BRIP1: variants seen among roughly 807,000 people sequenced by gnomAD.
BRIP1 encodes the protein BRCA1 interacting DNA helicase 1.
BRIP1 carries 88 observed loss-of-function variants against 119.7 expected under a neutral mutation model. That is an observed-to-expected ratio of 0.74 (90% CI 0.62 to 0.88). The LOEUF (loss-of-function observed/expected upper bound fraction) is 0.88, where lower values mean the gene tolerates loss of function less well. BRIP1 is among the 40% of genes least tolerant of loss of function. The pLI, the probability that BRIP1 is intolerant of heterozygous loss-of-function variation, is 0.00. For missense variants in BRIP1, 1,259 were observed against 1,455.4 expected (o/e 0.87, Z 2.20); for synonymous variants, 443 against 496.5 (o/e 0.89, Z 1.43).
rs1256300268 is a variant in BRIP1 at position 61,725,995 on chromosome 17, TCAAA to T, written c.2380-9936_2380-9933del. Among the ~76,000 whole-genome samples, 3 of 152,184 alleles carry T rather than the reference TCAAA, an allele frequency of 2.0e-5. No homozygotes were observed. Among genetic ancestry groups the T allele is most frequent in the Non-Finnish European group, 4.4e-5 (3 of 68,034 alleles). ...TAGGTTATCCATGTTAAAATATTAC[TCAAA>T]CAAACCTGCAAATGTTTAAATTATC... On this transcript the variant is annotated intron_variant, in intron 16 of 19. Coordinates refer to ENST00000259008, the MANE Select transcript of BRIP1 (RefSeq NM_032043.3). The surrounding 1 kb of genome is among the most constrained non-coding windows in gnomAD (Gnocchi z 5.3).
rs1464323803 is a variant in BRIP1, at chr17:61,814,084, A to G, written c.628-5327T>C. Among the ~76,000 whole-genome samples the G allele has an allele frequency of 1.3e-5, 2 of 152,136 alleles. No homozygotes were observed. The highest frequency in any genetic ancestry group is 2.9e-5 in the Non-Finnish European group (2 of 67,932). Reference sequence around the variant, plus strand: ...TAAAAAACACAAACTTTCAATTAATAGACTCTTTAGAGCAAGAGTCAGCAA... The same window carrying G: ...TAAAAAACACAAACTTTCAATTAATGGACTCTTTAGAGCAAGAGTCAGCAA... On this transcript the variant is annotated intron_variant, in intron 6 of 19. Coordinates refer to ENST00000259008, the MANE Select transcript of BRIP1 (RefSeq NM_032043.3). The surrounding 1 kb of genome is among the most constrained non-coding windows in gnomAD (Gnocchi z 4.9).
At position 61,734,512 on chromosome 17, in the gene BRIP1, C is replaced by A. The variant is rs372907211; in HGVS notation, c.2379+8501G>T. On this transcript the variant is annotated intron_variant, in intron 16 of 19. Transcript: ENST00000259008. This position sits in a 1 kb window ranked among gnomAD's most constrained non-coding sequence, Gnocchi z 5.2. ...AGCTTAATGCTTACCTTCAGAGTAG[C>A]CCATTATCAACATTTCATAGTGGGT... Among the ~76,000 whole-genome samples the A allele has an allele frequency of 1.3e-5, 2 of 152,140 alleles. No homozygotes were observed. Among genetic ancestry groups the A allele is most frequent in the African/African-American group, 2.4e-5 (1 of 41,430 alleles).
In BRIP1 at chr17:61,722,856, C is replaced by T. The variant is rs932661893; in HGVS notation, c.2380-6793G>A. Among the ~76,000 whole-genome samples, 7 of 152,128 alleles carry T rather than the reference C, an allele frequency of 4.6e-5. No individual in the cohort carries two copies. Among genetic ancestry groups the T allele is most frequent in the African/African-American group, 1.4e-4 (6 of 41,430 alleles). On this transcript the variant is annotated intron_variant, in intron 16 of 19. Coordinates refer to ENST00000259008, the MANE Select transcript of BRIP1 (RefSeq NM_032043.3). The surrounding 1 kb of genome is among the most constrained non-coding windows in gnomAD (Gnocchi z 4.6). ...TGCAAATTTTCAAACACCTTTTACA[C>T]TCCAAATGGCCTTTAAAATACTGCC...
rs1297486660 is a variant in BRIP1, at chr17:61,856,958, TCA to T, written c.379+98_379+99del. On this transcript the variant is annotated intron_variant, in intron 4 of 19. Transcript: ENST00000259008. This position sits in a 1 kb window ranked among gnomAD's most constrained non-coding sequence, Gnocchi z 5.1. ...AGAGAAACTAGATAGAGATATATAA[TCA>T]GTTATGCTAACCAAACTTATATAAA... 49 of 1,148,638 alleles carry T rather than the reference TCA, an allele frequency of 4.3e-5. No homozygotes were observed. The Admixed American group carries it at 6.5e-4, about 15-fold the overall frequency. The allele number at this position is 1,148,638 out of a possible 1,614,324, so 71.2% of individuals were successfully genotyped here.
Position 61,799,211 on chromosome 17 carries a change from A to G in BRIP1, c.1229T>C (p.Val410Ala), listed in dbSNP as rs1315040357. The change falls in exon 9 of 20, where the codon GTA becomes GCA. Residue 410 changes from valine to alanine, a missense_variant. Val to Ala is a moderately conservative substitution (Grantham distance 64, BLOSUM62 0). This residue lies in a region of BRIP1 where 501 missense variants were observed against 544.0 expected (regional missense o/e 0.92). Transcript: ENST00000259008. This position sits in a 1 kb window ranked among gnomAD's most constrained non-coding sequence, Gnocchi z 5.1. ...DCARESASYS[V>A]TEVQLRFARD... ...AGCAAACCGAAGCTGAACTTCTGTT[A>G]CACTGTAACTTGCTGATTCCCGAGC... The G allele has an allele frequency of 6.2e-7, 1 of 1,613,414 alleles. No individual in the cohort carries two copies. Among genetic ancestry groups the G allele is most frequent in the Non-Finnish European group, 8.5e-7 (1 of 1,179,562 alleles).
In BRIP1 at chr17:61,857,195, TC is replaced by T. The variant is rs1292988272; in HGVS notation, c.241del (p.Glu81LysfsTer20). ...TGCACAACAACATGACAATTGTACT[TC>T]AGCTTTTTCACTTACGCCCTCATCT... ...PADEGVSEKA[E>X]VQLSCCCACH... On this transcript the variant is annotated frameshift_variant, in exon 4 of 20. Transcript: ENST00000259008. LOFTEE classifies it high-confidence loss of function. This position sits in a 1 kb window ranked among gnomAD's most constrained non-coding sequence, Gnocchi z 5.1. 6.2e-7 allele frequency: 1 copy of T among 1,614,098 alleles called. No individual in the cohort carries two copies. The highest frequency in any genetic ancestry group is 1.7e-5 in the Admixed American group (1 of 60,026).
intron 6 of BRIP1, among the ~76,000 whole-genome samples, chr17:61,840,802 G>A (rs2078647477): frequency 6.6e-6 from 1 of 152,026 alleles, no homozygotes; most frequent in South Asian, 2.1e-4. Context: ...AAAGAAAACT[G>A]TAGGCACCAC....
intron 4 of BRIP1, among the ~76,000 whole-genome samples, chr17:61,855,649 T>C (rs974011608): frequency 6.6e-6 from 1 of 151,810 alleles, no homozygotes; most frequent in African/African-American, 2.4e-5. Flanking sequence ...TCAATAAAGC[T>C]GTTTTTAAAA....
At chr17:61,764,818 G>A (rs970385383) in intron 14 of BRIP1, among the ~76,000 whole-genome samples, 2 of 151,910 alleles carry the variant, frequency 1.3e-5, no homozygotes, top group African/African-American at 4.8e-5. Context: ...GGTGGGGGGA[G>A]CACAGGGAGT....
At position 61,745,472 on chromosome 17, in the gene BRIP1, A is replaced by C. The variant is rs888312078; in HGVS notation, c.2098-881T>G. Among the ~76,000 whole-genome samples the C allele has an allele frequency of 3.3e-5, 5 of 152,128 alleles. No individual in the cohort carries two copies. Among genetic ancestry groups the C allele is most frequent in the African/African-American group, 1.2e-4 (5 of 41,422 alleles). On this transcript the variant is annotated intron_variant, in intron 14 of 19. Transcript: ENST00000259008. The surrounding 1 kb of genome is among the most constrained non-coding windows in gnomAD (Gnocchi z 4.4). ...CAGCCTCGAACTACTAGGCTCAGGC[A>C]ATCCCTCCACCTTAGCCTCCTGAGT...
chr17:61,771,917 A>C (rs1282969397), intron 14 of BRIP1, among the ~76,000 whole-genome samples: 2 of 151,928 alleles, frequency 1.3e-5, no homozygotes, highest in Non-Finnish European at 2.9e-5. Flanking sequence ...AGCTGAGATG[A>C]TGCCACTGCA....
At position 61,846,244 on chromosome 17, in the gene BRIP1, A is replaced by AAAAGAGAGAGAGAGAG. The variant is rs1164887350; in HGVS notation, c.627+841_627+856dup. Among the ~76,000 whole-genome samples, 60 of 124,022 alleles carry AAAAGAGAGAGAGAGAG rather than the reference A, an allele frequency of 4.8e-4. No homozygotes were observed. The highest frequency in any genetic ancestry group is 1.1e-3 in the Admixed American group (15 of 13,838). The allele number at this position is 124,022 out of a possible 152,430, so 81.4% of individuals were successfully genotyped here. A position where few individuals can be genotyped will look rare whatever the true frequency, so the allele number is the denominator to read the frequency against. ...ATACATATAGAGAGAGAGAGAGAGA[A>AAAAGAGAGAGAGAGAG]AAAGAGAGAGAGAGAGAAAGAGAGA... On this transcript the variant is annotated intron_variant, in intron 6 of 19. Transcript: ENST00000259008. The surrounding 1 kb of genome is among the most constrained non-coding windows in gnomAD (Gnocchi z 4.3).
Position 61,799,320 on chromosome 17 carries a change from C to A in BRIP1, c.1141-21G>T, listed in dbSNP as rs1313281175. 8.8e-6 allele frequency: 14 copies of A among 1,587,312 alleles called. No homozygotes were observed. Among genetic ancestry groups the A allele is most frequent in the Non-Finnish European group, 1.1e-5 (13 of 1,157,578 alleles). On this transcript the variant is annotated intron_variant, in intron 8 of 19. Coordinates refer to ENST00000259008, the MANE Select transcript of BRIP1 (RefSeq NM_032043.3). This position sits in a 1 kb window ranked among gnomAD's most constrained non-coding sequence, Gnocchi z 5.1. ...TCCATCTATAAGATAAAAGAATTTT[C>A]TTGTAAAACATTTGGCAAAATAGAT...
intron 14 of BRIP1, among the ~76,000 whole-genome samples, chr17:61,764,391 A>C (rs925205005): frequency 1.3e-5 from 2 of 152,174 alleles, no homozygotes; most frequent in African/African-American, 4.8e-5. Flanking sequence ...TGTGTGTTTT[A>C]ACTATCTTTA....
rs555530621 is a variant in BRIP1 at position 61,783,387 on chromosome 17, G to A, written c.1628+883C>T. The stretch of plus-strand genomic sequence containing the variant: ...GAAAATAGAATACAGGTTAGCAGGT[G>A]ATGAGGGGAAAGACTCTAGGGGTTA... On this transcript the variant is annotated intron_variant, in intron 11 of 19. Transcript: ENST00000259008. Among the ~76,000 whole-genome samples, 3 of 152,272 alleles carry A rather than the reference G, an allele frequency of 2.0e-5. No individual in the cohort carries two copies. The South Asian group carries it at 6.2e-4, about 32-fold the overall frequency.
rs1362969971 is a variant in BRIP1, at chr17:61,770,876, C to T, written c.2097+5525G>A. ...GATAGAGAAATAGAGGGGGAAAAGG[C>T]ACCAGATATACAGAAAACAAACAGC... On this transcript the variant is annotated intron_variant, in intron 14 of 19. Coordinates refer to ENST00000259008, the MANE Select transcript of BRIP1 (RefSeq NM_032043.3). This position sits in a 1 kb window ranked among gnomAD's most constrained non-coding sequence, Gnocchi z 4.7. Among the ~76,000 whole-genome samples the T allele has an allele frequency of 3.3e-5, 5 of 152,170 alleles. No homozygotes were observed. The highest frequency in any genetic ancestry group is 5.9e-5 in the Non-Finnish European group (4 of 67,990).
rs1232610703 is a variant in BRIP1, at chr17:61,772,183, AT to A, written c.2097+4217del. Among the ~76,000 whole-genome samples, 30 of 81,810 alleles carry A rather than the reference AT, an allele frequency of 3.7e-4. 1 individual carries two copies. The highest frequency in any genetic ancestry group is 8.1e-4 in the Non-Finnish European group (28 of 34,372). 53.7% of individuals were successfully genotyped at this position (81,810 alleles called of 152,430 possible). A position where few individuals can be genotyped will look rare whatever the true frequency, so the allele number is the denominator to read the frequency against. ...TATATATATATATATATATATATAT[AT>A]ATATATATATATATATATATATATA... On this transcript the variant is annotated intron_variant, in intron 14 of 19. Transcript: ENST00000259008.
At chr17:61,812,070 C>T (rs1427849820) in intron 6 of BRIP1, among the ~76,000 whole-genome samples, 1 of 152,000 alleles carries the variant, frequency 6.6e-6, no homozygotes, top group Non-Finnish European at 1.5e-5. Context: ...ATTACCTGTA[C>T]CAAAATCAGC....
Position 61,768,635 on chromosome 17 carries a change from T to A in BRIP1, c.2097+7766A>T, listed in dbSNP as rs2144935682. ...TTCTAATGGTTCTTCCTAACCTTTT[T>A]CTTACCCTGATAAATTAACCCCTGT... On this transcript the variant is annotated intron_variant, in intron 14 of 19. Transcript: ENST00000259008. This position sits in a 1 kb window ranked among gnomAD's most constrained non-coding sequence, Gnocchi z 5.0. Among the ~76,000 whole-genome samples, 1 of 152,320 alleles carries A rather than the reference T, an allele frequency of 6.6e-6. No individual in the cohort carries two copies. The highest frequency in any genetic ancestry group is 6.5e-5 in the Admixed American group (1 of 15,290).
Sources: gnomAD v4.1 joint callset for allele counts (sites outside exome capture counted in the v4.1 genomes callset) on GRCh38, gnomAD v4.1.1 for gene constraint, gnomAD v4.1.1 regional missense constraint, Gnocchi (gnomAD v3.1) non-coding constraint, MANE v1.5 for transcripts, NCBI Gene and HGNC (gene_info 2026-07-23, HGNC 2026-07-21) for gene names.